HORMAD2: variants seen among roughly 807,000 people sequenced by gnomAD.
HORMAD2 encodes HORMA domain-containing protein 2.
HORMAD2 carries 45 observed loss-of-function variants against 38.8 expected under a neutral mutation model. The observed-to-expected ratio is 1.16, with a 90% CI of 0.91 to 1.49. The LOEUF (loss-of-function observed/expected upper bound fraction) is 1.49. HORMAD2 is among the 40% of genes most tolerant of loss of function. The probability of loss-of-function intolerance (pLI) is 0.00; values close to 1 mark genes in which losing one functional copy is unlikely to be tolerated. For missense variants in HORMAD2, 338 were observed against 367.0 expected, an observed-to-expected ratio of 0.92 and a Z score of 0.65; for synonymous variants, 126 against 122.8, an observed-to-expected ratio of 1.03 and a Z score of -0.17.
At chr22:30,081,679 G>A (rs1307700930) in intron 1 of HORMAD2, among the ~76,000 whole-genome samples, 1 of 151,950 alleles carries the variant, frequency 6.6e-6, no homozygotes, top group East Asian at 1.9e-4. Context: ...GGGTTCAAGC[G>A]ATTCCCCTGC....
chr22:30,079,844 TA>T (rs940211105), upstream of HORMAD2, among the ~76,000 whole-genome samples: 2 of 152,190 alleles, frequency 1.3e-5, no homozygotes, highest in African/African-American at 4.8e-5. Flanking sequence ...CACGCCCAGC[TA>T]ATTTTTGTAT....
chr22:30,137,960 G>A (rs1923785357), intron 10 of HORMAD2, among the ~76,000 whole-genome samples: 1 of 152,112 alleles, frequency 6.6e-6, no homozygotes, highest in Non-Finnish European at 1.5e-5. Context: ...GGTCATATGT[G>A]TTTAATCATT....
rs543536588 is a variant in HORMAD2, at chr22:30,163,845, G to A, written c.820-12218G>A. On this transcript the variant is annotated intron_variant, in intron 10 of 10. Coordinates refer to ENST00000336726, the MANE Select transcript of HORMAD2 (RefSeq NM_152510.4). The stretch of plus-strand genomic sequence containing the variant: ...CGATTTTTAAGGATACAGTTCAGTG[G>A]CATTAAGTGTATTCACATTGTTGTG... Among the ~76,000 whole-genome samples, 11 of 152,130 alleles carry A rather than the reference G, an allele frequency of 7.2e-5. No homozygotes were observed. In the South Asian group the frequency reaches 1.7e-3, roughly 23 times the overall value.
Position 30,148,095 on chromosome 22 carries a change from T to C in HORMAD2, c.819+25881T>C, listed in dbSNP as rs772916801. On this transcript the variant is annotated intron_variant, in intron 10 of 10. Transcript: ENST00000336726. ...TTCCAAACTGGAATTAACCCGCGTG[T>C]CCATCAATAGGTGAAAGGATCAGCA... is the stretch of plus-strand genomic sequence containing the variant. 4.6e-5 allele frequency among the ~76,000 whole-genome samples: 7 copies of C among 152,208 alleles called. No individual in the cohort carries two copies. In the South Asian group the frequency reaches 1.5e-3, roughly 32 times the overall value.
chr22:30,187,784 GA>G, the HORMAD2 span, among the ~76,000 whole-genome samples: 493 of 151,926 alleles, frequency 3.2e-3, 1 homozygote, highest in Non-Finnish European at 3.0e-3. Flanking sequence ...TAAGCAACCT[GA>G]AAAAAGTGTT....
At chr22:30,106,464 C>A (rs1921206293) in intron 5 of HORMAD2, among the ~76,000 whole-genome samples, 1 of 152,106 alleles carries the variant, frequency 6.6e-6, no homozygotes, top group Non-Finnish European at 1.5e-5. Context: ...AGGCACTATA[C>A]CCTGTGAGAA....
At chr22:30,115,184 T>A (rs1265974180) in intron 7 of HORMAD2, among the ~76,000 whole-genome samples, 1 of 152,124 alleles carries the variant, frequency 6.6e-6, no homozygotes, top group Non-Finnish European at 1.5e-5. Context: ...TGGAGTTCAG[T>A]GGTGTGATCT....
At chr22:30,127,272 G>A (rs1311029380) in intron 10 of HORMAD2, among the ~76,000 whole-genome samples, 3 of 130,524 alleles carry the variant, frequency 2.3e-5, no homozygotes, top group African/African-American at 3.0e-5. Flanking sequence ...GCAGTGGCCC[G>A]ATCTCAGCTC....
At chr22:30,125,529 A>T (rs1245949318) in intron 10 of HORMAD2, among the ~76,000 whole-genome samples, 4 of 151,968 alleles carry the variant, frequency 2.6e-5, no homozygotes, top group Non-Finnish European at 1.5e-5. Context: ...TGCCTGGCTC[A>T]TCTTTCACTT....
intron 5 of HORMAD2, among the ~76,000 whole-genome samples, chr22:30,110,542 T>A (rs1455959399): frequency 3.3e-5 from 5 of 152,032 alleles, no homozygotes; most frequent in Non-Finnish European, 7.4e-5. Flanking sequence ...CAAGCCGCCA[T>A]GCCTGGCTAA....
Position 30,167,426 on chromosome 22 carries a change from G to A in HORMAD2, c.820-8637G>A, listed in dbSNP as rs551903826. Among the ~76,000 whole-genome samples, 3 of 152,270 alleles carry A rather than the reference G, an allele frequency of 2.0e-5. No individual in the cohort carries two copies. The South Asian group carries it at 6.2e-4, about 32-fold the overall frequency. On this transcript the variant is annotated intron_variant, in intron 10 of 10. Transcript: ENST00000336726. The stretch of plus-strand genomic sequence containing the variant: ...TGTACCACAAATATCCAATTTGCCT[G>A]GAGTTAGGGATTCCTGTGGCAGTAG...
intron 7 of HORMAD2, among the ~76,000 whole-genome samples, chr22:30,117,337 T>A (rs1922115599): frequency 6.6e-6 from 1 of 152,200 alleles, no homozygotes; most frequent in Admixed American, 6.5e-5. Context: ...TTATACTGTT[T>A]ACTTGTCATT....
chr22:30,088,000 C>G lies in HORMAD2; in HGVS notation c.-37-5916C>G, dbSNP rs542543486. 2.8e-5 allele frequency among the ~76,000 whole-genome samples: 4 copies of G among 144,640 alleles called. No individual in the cohort carries two copies. In the South Asian group the frequency reaches 8.8e-4, roughly 32 times the overall value. 94.9% of individuals were successfully genotyped at this position (144,640 alleles called of 152,430 possible). A position where few individuals can be genotyped will look rare whatever the true frequency, so the allele number is the denominator to read the frequency against. ...CTATATATATACATATATATATACA[C>G]ACACATACATATATACATATACAGA... On this transcript the variant is annotated intron_variant, in intron 1 of 10. Coordinates refer to ENST00000336726, the MANE Select transcript of HORMAD2 (RefSeq NM_152510.4).
the HORMAD2 span, among the ~76,000 whole-genome samples, chr22:30,188,553 C>G: frequency 1.3e-5 from 2 of 152,150 alleles, no homozygotes; most frequent in African/African-American, 4.8e-5. Flanking sequence ...TTTGTATGTA[C>G]ATAAATTTCC....
the HORMAD2 span, among the ~76,000 whole-genome samples, chr22:30,183,410 C>T: frequency 1.3e-5 from 2 of 152,176 alleles, no homozygotes; most frequent in Admixed American, 6.5e-5. Context: ...AGTTTTTCAG[C>T]TTTCGTGTTA....
At chr22:30,088,131 A>ACACATACACG (rs2068611599) in intron 1 of HORMAD2, among the ~76,000 whole-genome samples, 1 of 151,518 alleles carries the variant, frequency 6.6e-6, no homozygotes, top group African/African-American at 2.4e-5. Context: ...ACACGTACAC[A>ACACATACACG]TGTGTACATA....
At chr22:30,197,775 A>T in the HORMAD2 span, among the ~76,000 whole-genome samples, 1 of 144,954 alleles carries the variant, frequency 6.9e-6, no homozygotes, top group Non-Finnish European at 1.5e-5. Flanking sequence ...ATAATGAGTT[A>T]AAAAAAAAAA....
At chr22:30,180,926 CCTCT>C (rs2123759228), downstream of HORMAD2, among the ~76,000 whole-genome samples, 2 of 12,702 alleles carry the variant, frequency 1.6e-4, no homozygotes, top group Non-Finnish European at 2.7e-4. Flanking sequence ...CCTTCCCTCT[CCTCT>C]CCTCTCCTCT....
chr22:30,119,887 A>T (rs1323680067), intron 8 of HORMAD2, among the ~76,000 whole-genome samples: 3 of 152,246 alleles, frequency 2.0e-5, no homozygotes, highest in Admixed American at 1.3e-4. Context: ...TTATCCTTCC[A>T]TTTGTAAAAC....
Sources: allele counts gnomAD v4.1 joint callset (sites outside exome capture counted in the v4.1 genomes callset), GRCh38; gene constraint gnomAD v4.1.1; transcripts MANE v1.5; gene names NCBI Gene and HGNC (gene_info 2026-07-23, HGNC 2026-07-21).